The following TBC1D32 variants were observed in gnomAD, a reference collection of about 807,000 sequenced individuals.
The protein encoded by TBC1D32 is protein broad-minded.
TBC1D32 carries 151 observed loss-of-function variants against 170.3 expected under a neutral mutation model. That is an observed-to-expected ratio of 0.89 (90% confidence interval 0.78 to 1.01). The LOEUF is 1.01. TBC1D32 is among the 50% of genes least tolerant of loss of function. The pLI is 0.00. For synonymous variants in TBC1D32, 498 were observed against 488.0 expected, an observed-to-expected ratio of 1.02 and a Z score of -0.27; for missense variants, 1,464 against 1,457.1, an observed-to-expected ratio of 1.00 and a Z score of -0.08.
intron 14 of TBC1D32, among the ~76,000 whole-genome samples, chr6:121,279,769 C>T (rs1422903965): frequency 1.3e-5 from 2 of 151,912 alleles, no homozygotes; most frequent in African/African-American, 2.4e-5. Context: ...CTGAACTAAC[C>T]ATATTTGCTC....
chr6:121,171,743 T>G (rs1412193498), intron 22 of TBC1D32, among the ~76,000 whole-genome samples: 1 of 152,150 alleles, frequency 6.6e-6, no homozygotes, highest in Admixed American at 6.5e-5. Flanking sequence ...CATGAAAGAT[T>G]ATACTATTCA....
chr6:121,271,918 C>A lies in TBC1D32; in HGVS notation c.1733+7203G>T, dbSNP rs563526155. ...TGGTACCAAAACAGAGATATAGACC[C>A]ATGGAACAGAACAGAGCCCTCAGAA... On this transcript the variant is annotated intron_variant, in intron 15 of 31. Transcript: ENST00000398212. Among the ~76,000 whole-genome samples the A allele has an allele frequency of 9.2e-3, 1,404 of 152,152 alleles. 29 individuals are homozygous for A. Among genetic ancestry groups the A allele is most frequent in the African/African-American group, 0.031 (1,301 of 41,504 alleles).
At chr6:121,205,629 C>T (rs1190820915) in intron 21 of TBC1D32, among the ~76,000 whole-genome samples, 4 of 152,154 alleles carry the variant, frequency 2.6e-5, no homozygotes, top group African/African-American at 7.2e-5. Flanking sequence ...AGACTATCTG[C>T]CTCATGTAAA....
At position 121,080,456 on chromosome 6, in the gene TBC1D32, C is replaced by T. The variant is rs768897755; in HGVS notation, c.*315G>A. On this transcript the variant is annotated 3_prime_UTR_variant, in exon 32 of 32. Coordinates refer to ENST00000398212, the MANE Select transcript of TBC1D32 (RefSeq NM_152730.6). ...GTCTCGATCTCTTGACCTCGTGATCCGCCCACCTCAGACTCCCAAAGTGCT... is the reference window on the plus strand; with the variant it reads ...GTCTCGATCTCTTGACCTCGTGATCTGCCCACCTCAGACTCCCAAAGTGCT... 3.2e-4 allele frequency: 76 copies of T among 238,462 alleles called. No individual in the cohort carries two copies. Among genetic ancestry groups the T allele is most frequent in the Middle Eastern group, 2.3e-3 (3 of 1,312 alleles). The allele number at this position is 238,462 out of a possible 1,614,324, so 14.8% of individuals were successfully genotyped here. A position where few individuals can be genotyped will look rare whatever the true frequency, so the allele number is the denominator to read the frequency against.
chr6:121,295,994 C>G (rs903166952), intron 10 of TBC1D32, among the ~76,000 whole-genome samples: 1 of 152,094 alleles, frequency 6.6e-6, no homozygotes, highest in African/African-American at 2.4e-5. Flanking sequence ...TGCTTTCCTT[C>G]TAGGAGTCTT....
chr6:121,168,711 A>AT (rs1258410384), intron 22 of TBC1D32, among the ~76,000 whole-genome samples: 2 of 84,490 alleles, frequency 2.4e-5, no homozygotes, highest in African/African-American at 1.2e-4. Context: ...TTAGAGTATA[A>AT]TAAAAAAAAA....
At chr6:121,266,094 G>T (rs190520231) in intron 15 of TBC1D32, among the ~76,000 whole-genome samples, 32 of 152,176 alleles carry the variant, frequency 2.1e-4, no homozygotes, top group Middle Eastern at 6.8e-3. Flanking sequence ...AAACTAAAGA[G>T]CTTCTGCAAA....
chr6:121,194,219 T>A (rs1402003946), intron 22 of TBC1D32, among the ~76,000 whole-genome samples: 2 of 152,156 alleles, frequency 1.3e-5, no homozygotes, highest in African/African-American at 4.8e-5. Context: ...TGTGGTCATT[T>A]CCTCAGTGCC....
intron 20 of TBC1D32, among the ~76,000 whole-genome samples, chr6:121,231,910 C>T (rs1182456536): frequency 3.9e-5 from 6 of 152,138 alleles, no homozygotes; most frequent in Non-Finnish European, 7.4e-5. Context: ...TGGGCAGAAG[C>T]TTTTTAATTT....
At position 121,209,820 on chromosome 6, in the gene TBC1D32, G is replaced by A. The variant is rs9385190; in HGVS notation, c.2482-4657C>T. On this transcript the variant is annotated intron_variant, in intron 21 of 31. Coordinates refer to ENST00000398212, the MANE Select transcript of TBC1D32 (RefSeq NM_152730.6). The stretch of plus-strand genomic sequence containing the variant: ...TGGAGGGCATAGGAGGACAGAAACA[G>A]AGAGACAGATGTAGACCTGACAGCA... Among the ~76,000 whole-genome samples the A allele has an allele frequency of 5.3e-4, 81 of 152,302 alleles. 3 individuals carry two copies. The East Asian group carries it at 0.015, about 28-fold the overall frequency.
At chr6:121,209,078 T>C (rs1792707558) in intron 21 of TBC1D32, among the ~76,000 whole-genome samples, 2 of 151,850 alleles carry the variant, frequency 1.3e-5, no homozygotes, top group Admixed American at 1.3e-4. Flanking sequence ...ATCTGCCAGG[T>C]AGTGATCTAA....
intron 24 of TBC1D32, among the ~76,000 whole-genome samples, chr6:121,158,934 T>C (rs186666150): frequency 2.0e-5 from 3 of 152,264 alleles, no homozygotes; most frequent in Admixed American, 6.5e-5. Context: ...ACTGGTCTTA[T>C]GGCTGGGCTT....
intron 24 of TBC1D32, among the ~76,000 whole-genome samples, chr6:121,147,916 G>GTT (rs773940161): frequency 3.0e-5 from 2 of 66,778 alleles, no homozygotes; most frequent in Non-Finnish European, 9.3e-5. Flanking sequence ...TAACTTGTAT[G>GTT]TCTTTTTTTT....
At chr6:121,189,766 T>A (rs1361792971) in intron 22 of TBC1D32, among the ~76,000 whole-genome samples, 1 of 152,014 alleles carries the variant, frequency 6.6e-6, no homozygotes. Context: ...GGACAAGATA[T>A]ACATATACCA....
intron 5 of TBC1D32, among the ~76,000 whole-genome samples, chr6:121,305,652 G>A (rs1364003196): frequency 1.3e-5 from 2 of 151,884 alleles, no homozygotes; most frequent in African/African-American, 2.4e-5. Flanking sequence ...ACTGAACAAA[G>A]GATATTAAAT....
At chr6:121,099,976 C>A (rs2128185135) in intron 30 of TBC1D32, among the ~76,000 whole-genome samples, 1 of 151,744 alleles carries the variant, frequency 6.6e-6, no homozygotes, top group East Asian at 1.9e-4. Context: ...CAAGGTTTTC[C>A]CATAGTCTTT....
intron 24 of TBC1D32, among the ~76,000 whole-genome samples, chr6:121,134,935 C>T (rs1781869891): frequency 1.3e-5 from 2 of 151,168 alleles, no homozygotes; most frequent in Admixed American, 1.3e-4. Flanking sequence ...TAAATCTATT[C>T]AGCCATAGGC....
chr6:121,159,960 T>G, intron 24 of TBC1D32, 50 bp downstream of exon 24: 1 of 1,329,366 alleles, frequency 7.5e-7, no homozygotes, highest in Non-Finnish European at 1.1e-6. Context: ...TTTTTCAAAT[T>G]ATAACAAAAG....
intron 18 of TBC1D32, among the ~76,000 whole-genome samples, 191 bp downstream of exon 18, chr6:121,242,010 A>ATACAGCC (rs1439956147): frequency 1.3e-5 from 2 of 152,160 alleles, no homozygotes; most frequent in African/African-American, 4.8e-5. Context: ...AATTCTGTAA[A>ATACAGCC]TACAGCCACA....
Sources: allele counts gnomAD v4.1 joint callset (sites outside exome capture counted in the v4.1 genomes callset), GRCh38; gene constraint gnomAD v4.1.1; transcripts MANE v1.5; gene names NCBI Gene and HGNC (gene_info 2026-07-23, HGNC 2026-07-21).